CACNA2D3: variants seen among roughly 807,000 people sequenced by gnomAD.
The protein encoded by CACNA2D3 is voltage-dependent calcium channel subunit alpha-2/delta-3.
Under a neutral mutation model 160.6 loss-of-function variants are expected in CACNA2D3, and 60 were observed. The observed-to-expected ratio is 0.37, with a 90% CI of 0.30 to 0.46. CACNA2D3 has a LOEUF of 0.46. CACNA2D3 is among the 20% of genes least tolerant of loss of function. The pLI, the probability that CACNA2D3 is intolerant of heterozygous loss-of-function variation, is 1.00. For synonymous variants in CACNA2D3, 558 were observed against 492.9 expected, an observed-to-expected ratio of 1.13 and a Z score of -1.75; for missense variants, 1,205 against 1,365.0, an observed-to-expected ratio of 0.88 and a Z score of 1.85.
At chr3:54,211,087 G>A (rs2107362583) in intron 2 of CACNA2D3, among the ~76,000 whole-genome samples, 2 of 152,244 alleles carry the variant, frequency 1.3e-5, no homozygotes, top group East Asian at 3.9e-4. Flanking sequence ...TCTCCATCCA[G>A]ATAGGTAATA....
intron 9 of CACNA2D3, chr3:54,626,431 G>A: frequency 6.3e-7 from 1 of 1,589,574 alleles, no homozygotes; most frequent in Non-Finnish European, 8.6e-7. Flanking sequence ...GGAGAAGCCG[G>A]AAGTGGTGAA....
At chr3:54,792,731 G>A (rs537962985) in intron 13 of CACNA2D3, among the ~76,000 whole-genome samples, 1 of 152,192 alleles carries the variant, frequency 6.6e-6, no homozygotes, top group African/African-American at 2.4e-5. Flanking sequence ...CCCACACTCA[G>A]GGATTTTACC....
chr3:54,573,254 A>C (rs1047777376), intron 8 of CACNA2D3, among the ~76,000 whole-genome samples: 1 of 152,174 alleles, frequency 6.6e-6, no homozygotes, highest in African/African-American at 2.4e-5. Flanking sequence ...TGTTCCTCTA[A>C]TGGATAAGAG....
chr3:54,183,813 A>T (rs1259256752), intron 2 of CACNA2D3, among the ~76,000 whole-genome samples: 1 of 134,338 alleles, frequency 7.4e-6, no homozygotes, highest in Non-Finnish European at 1.6e-5. Flanking sequence ...TGAACCTGGG[A>T]GGCAGAGTTT....
At chr3:55,051,347 G>T (rs536885220) in intron 35 of CACNA2D3, among the ~76,000 whole-genome samples, 99 of 151,616 alleles carry the variant, frequency 6.5e-4, no homozygotes, top group Non-Finnish European at 1.2e-3. Context: ...CTGCAGGTCT[G>T]TTGGAATACC....
At chr3:54,154,271 A>G (rs1700202711) in intron 2 of CACNA2D3, among the ~76,000 whole-genome samples, 1 of 152,220 alleles carries the variant, frequency 6.6e-6, no homozygotes. Flanking sequence ...TGTTATGTTC[A>G]AGGTACTAAT....
chr3:54,919,017 A>G, intron 27 of CACNA2D3: 1 of 745,978 alleles, frequency 1.3e-6, no homozygotes, highest in Non-Finnish European at 2.0e-6. Context: ...TAAATCCTGG[A>G]GTCAAAGAAT....
At chr3:54,809,852 T>G (rs565112289) in intron 13 of CACNA2D3, among the ~76,000 whole-genome samples, 1 of 152,212 alleles carries the variant, frequency 6.6e-6, no homozygotes, top group African/African-American at 2.4e-5. Context: ...GGCATAGGTA[T>G]AGTCCCTAGG....
chr3:54,356,940 A>G (rs901024975), intron 3 of CACNA2D3, among the ~76,000 whole-genome samples: 8 of 152,114 alleles, frequency 5.3e-5, no homozygotes, highest in African/African-American at 1.9e-4. Context: ...GTACTTAGCA[A>G]AAATACAGTT....
intron 34 of CACNA2D3, among the ~76,000 whole-genome samples, chr3:55,013,714 A>G (rs1005689830): frequency 1.6e-4 from 25 of 152,120 alleles, no homozygotes; most frequent in African/African-American, 5.6e-4. Flanking sequence ...TGATTATCAC[A>G]AAGGTATCAT....
At chr3:54,153,192 G>A (rs1025268519) in intron 2 of CACNA2D3, among the ~76,000 whole-genome samples, 3 of 152,184 alleles carry the variant, frequency 2.0e-5, no homozygotes, top group South Asian at 4.2e-4. Flanking sequence ...GGGCCTGAGT[G>A]TCCACGTCTG....
At chr3:54,346,643 T>C (rs553644745) in intron 3 of CACNA2D3, among the ~76,000 whole-genome samples, 1 of 152,316 alleles carries the variant, frequency 6.6e-6, no homozygotes, top group Admixed American at 6.5e-5. Flanking sequence ...ACATCTTGTA[T>C]TAGCCTGGTA....
chr3:54,503,427 G>A (rs1277901263), intron 4 of CACNA2D3, 65 bp from the exon 5 acceptor site: 5 of 1,466,238 alleles, frequency 3.4e-6, no homozygotes, highest in African/African-American at 1.4e-5. Flanking sequence ...CTGTGCCCAG[G>A]TCTAAGTGAG....
At chr3:54,504,667 A>G (rs958532122) in intron 5 of CACNA2D3, among the ~76,000 whole-genome samples, 6 of 152,216 alleles carry the variant, frequency 3.9e-5, no homozygotes, top group South Asian at 4.1e-4. Context: ...ATTGTCTCCC[A>G]TCAAGGTTTC....
intron 11 of CACNA2D3, among the ~76,000 whole-genome samples, chr3:54,732,085 T>C (rs545453909): frequency 6.6e-6 from 1 of 152,344 alleles, no homozygotes; most frequent in Admixed American, 6.5e-5. Context: ...GTTTTTCTCT[T>C]ACAGGGAGAG....
At chr3:54,434,111 A>C (rs1021286241) in intron 4 of CACNA2D3, among the ~76,000 whole-genome samples, 1 of 152,184 alleles carries the variant, frequency 6.6e-6, no homozygotes, top group Admixed American at 6.5e-5. Context: ...GGAAGTAGGC[A>C]GTGCTCCTGT....
intron 8 of CACNA2D3, among the ~76,000 whole-genome samples, chr3:54,579,579 G>A (rs1356681589): frequency 6.6e-6 from 1 of 152,176 alleles, no homozygotes; most frequent in Non-Finnish European, 1.5e-5. Context: ...GTCCAACAAC[G>A]GGGAACTGGA....
chr3:55,058,880 A>G (rs553715816), intron 35 of CACNA2D3, among the ~76,000 whole-genome samples: 1 of 152,206 alleles, frequency 6.6e-6, no homozygotes, highest in East Asian at 1.9e-4. Context: ...CTCATCTGTA[A>G]AATCAGGATA....
At chr3:54,424,892 C>A (rs569671140) in intron 4 of CACNA2D3, among the ~76,000 whole-genome samples, 1 of 152,208 alleles carries the variant, frequency 6.6e-6, no homozygotes, top group Non-Finnish European at 1.5e-5. Flanking sequence ...CCGATTACCA[C>A]GTTTCTGCAT....
Sources: allele counts gnomAD v4.1 joint callset (sites outside exome capture counted in the v4.1 genomes callset), GRCh38; gene constraint gnomAD v4.1.1; transcripts MANE v1.5; gene names NCBI Gene and HGNC (gene_info 2026-07-23, HGNC 2026-07-21).